Variants in GABRG3 observed in about 807,000 individuals in gnomAD.
The protein encoded by GABRG3 is gamma-aminobutyric acid type A receptor subunit gamma3.
GABRG3 carries 25 observed loss-of-function variants against 48.8 expected under a neutral mutation model. The observed-to-expected ratio is 0.51, with a 90% CI of 0.37 to 0.72. The LOEUF is 0.72. Among genes scored for constraint, GABRG3 ranks in the 30% least tolerant of loss-of-function variants. The pLI, the probability that GABRG3 is intolerant of heterozygous loss-of-function variation, is 0.00. For synonymous variants in GABRG3, 227 were observed against 217.6 expected (o/e 1.04, Z -0.38); for missense variants, 394 against 577.9 (o/e 0.68, Z 3.26).
At chr15:27,080,769 A>T (rs916651953) in intron 3 of GABRG3, among the ~76,000 whole-genome samples, 1 of 152,176 alleles carries the variant, frequency 6.6e-6, no homozygotes, top group Admixed American at 6.5e-5. Context: ...TGAGTTTCCA[A>T]TCTCTCCCAT....
chr15:27,474,994 G>A (rs749077197), intron 5 of GABRG3, among the ~76,000 whole-genome samples: 2 of 152,142 alleles, frequency 1.3e-5, no homozygotes, highest in Non-Finnish European at 2.9e-5. Context: ...GCTGGGCATG[G>A]TGGCAGGCAC....
intron 3 of GABRG3, among the ~76,000 whole-genome samples, chr15:27,206,333 T>A (rs1479144975): frequency 6.6e-6 from 1 of 152,232 alleles, no homozygotes; most frequent in Non-Finnish European, 1.5e-5. Context: ...CGGGGTCAGA[T>A]TATTTAATTT....
At chr15:27,164,344 C>A (rs1299012129) in intron 3 of GABRG3, among the ~76,000 whole-genome samples, 3 of 152,190 alleles carry the variant, frequency 2.0e-5, no homozygotes, top group African/African-American at 7.2e-5. Context: ...CGCATACTCA[C>A]AATACGGTAA....
At chr15:27,407,441 C>T (rs1887672163) in intron 5 of GABRG3, among the ~76,000 whole-genome samples, 1 of 152,108 alleles carries the variant, frequency 6.6e-6, no homozygotes, top group Non-Finnish European at 1.5e-5. Context: ...ACCATGTGAC[C>T]CAGCAGTCAC....
intron 3 of GABRG3, among the ~76,000 whole-genome samples, chr15:27,108,558 C>T (rs927177684): frequency 2.0e-5 from 3 of 152,104 alleles, no homozygotes; most frequent in Non-Finnish European, 4.4e-5. Flanking sequence ...CTGCTGTTGT[C>T]GGATGGAGTA....
intron 3 of GABRG3, among the ~76,000 whole-genome samples, chr15:27,162,257 C>T (rs1372736323): frequency 6.6e-6 from 1 of 152,198 alleles, no homozygotes; most frequent in Non-Finnish European, 1.5e-5. Context: ...CTTTGGTCCA[C>T]AGAGTTAGGG....
intron 3 of GABRG3, among the ~76,000 whole-genome samples, chr15:27,311,508 T>C (rs1392599012): frequency 6.6e-6 from 1 of 152,010 alleles, no homozygotes; most frequent in Non-Finnish European, 1.5e-5. Context: ...GACAATTTGA[T>C]CTAATATGCA....
At chr15:27,510,255 A>C (rs1186056672) in intron 6 of GABRG3, among the ~76,000 whole-genome samples, 1 of 152,176 alleles carries the variant, frequency 6.6e-6, no homozygotes, top group East Asian at 1.9e-4. Context: ...AGTCTTAGGC[A>C]TGATTTGTAA....
At chr15:27,019,852 T>G (rs1895855868) in intron 2 of GABRG3, among the ~76,000 whole-genome samples, 1 of 152,222 alleles carries the variant, frequency 6.6e-6, no homozygotes. Context: ...AAAATTCATG[T>G]GCTGATATTT....
chr15:27,232,243 G>A (rs1889822159), intron 3 of GABRG3, among the ~76,000 whole-genome samples: 1 of 152,142 alleles, frequency 6.6e-6, no homozygotes, highest in East Asian at 1.9e-4. Flanking sequence ...TAAAAATGGT[G>A]TTTAACCACC....
At chr15:27,511,016 G>A (rs941146854) in intron 6 of GABRG3, among the ~76,000 whole-genome samples, 7 of 152,070 alleles carry the variant, frequency 4.6e-5, no homozygotes, top group African/African-American at 1.4e-4. Flanking sequence ...TGTAGTGTGC[G>A]ATAGAGAAGA....
intron 3 of GABRG3, among the ~76,000 whole-genome samples, chr15:27,210,607 A>T (rs1180017989): frequency 6.6e-6 from 1 of 152,206 alleles, no homozygotes; most frequent in African/African-American, 2.4e-5. Flanking sequence ...AATGGAGACT[A>T]GTATGTATTC....
chr15:27,464,145 G>C (rs1000609828), intron 5 of GABRG3, among the ~76,000 whole-genome samples: 1 of 151,988 alleles, frequency 6.6e-6, no homozygotes, highest in Admixed American at 6.6e-5. Context: ...TGGCATAAAG[G>C]TGTACAGTTC....
chr15:26,971,452 A>C lies in GABRG3; in HGVS notation c.-84A>C. ...AGCCTCGGAGGAAGCCAGGGCAAAG[A>C]GGGCCGGCGGAGACCAGGTCCGCGC... is the stretch of plus-strand genomic sequence containing the variant. On this transcript the variant is annotated 5_prime_UTR_variant, in exon 1 of 10. Transcript: ENST00000615808. The C allele has an allele frequency of 8.5e-7, 1 of 1,171,506 alleles. No homozygotes were observed. The highest frequency in any genetic ancestry group is 1.6e-5 in the African/African-American group (1 of 61,978). 72.6% of individuals were successfully genotyped at this position (1,171,506 alleles called of 1,614,324 possible). A position where few individuals can be genotyped will look rare whatever the true frequency, so the allele number is the denominator to read the frequency against.
At chr15:27,183,035 A>G (rs1302892772) in intron 3 of GABRG3, among the ~76,000 whole-genome samples, 1 of 152,238 alleles carries the variant, frequency 6.6e-6, no homozygotes, top group Non-Finnish European at 1.5e-5. Flanking sequence ...AATTCGTTTT[A>G]GCGAGAAGAG....
intron 3 of GABRG3, among the ~76,000 whole-genome samples, chr15:27,190,116 G>T (rs1350745323): frequency 6.6e-6 from 1 of 152,202 alleles, no homozygotes; most frequent in African/African-American, 2.4e-5. Context: ...TGTGCTGCTG[G>T]ATTCGGTTTG....
intron 5 of GABRG3, among the ~76,000 whole-genome samples, chr15:27,421,584 T>A (rs1888115074): frequency 6.8e-6 from 1 of 146,586 alleles, no homozygotes. Flanking sequence ...TCCATGGGAG[T>A]GGGCTATAAA....
intron 5 of GABRG3, among the ~76,000 whole-genome samples, chr15:27,393,635 C>A (rs147246178): frequency 1.1e-4 from 17 of 152,254 alleles, no homozygotes; most frequent in Non-Finnish European, 2.4e-4. Flanking sequence ...CCTGGCTTTC[C>A]ATTTACCACC....
intron 3 of GABRG3, among the ~76,000 whole-genome samples, chr15:27,037,407 G>A (rs1318267602): frequency 6.6e-6 from 1 of 152,186 alleles, no homozygotes; most frequent in African/African-American, 2.4e-5. Flanking sequence ...AAACCTGAGA[G>A]GGTCGACTGG....
Sources: gnomAD v4.1 joint callset for allele counts (sites outside exome capture counted in the v4.1 genomes callset) on GRCh38, gnomAD v4.1.1 for gene constraint, MANE v1.5 for transcripts, NCBI Gene and HGNC (gene_info 2026-07-23, HGNC 2026-07-21) for gene names.